Variants in XKR9 observed in about 807,000 individuals in gnomAD.
The protein encoded by XKR9 is XK related 9, also known as XK-related protein 9.
In XKR9, 32 loss-of-function variants were observed where a neutral mutation model predicts 32.0. The ratio of observed to expected loss-of-function variants is 1.00; its 90% CI spans 0.76 to 1.34. XKR9 has a LOEUF of 1.34. Among genes scored for constraint, XKR9 ranks in the 40% most tolerant of loss-of-function variants. The pLI, the probability that XKR9 is intolerant of heterozygous loss-of-function variation, is 0.00. For synonymous variants in XKR9, 168 were observed against 143.4 expected (o/e 1.17, Z -1.22); for missense variants, 546 against 429.7 (o/e 1.27, Z -2.39).
the XKR9 span, among the ~76,000 whole-genome samples, chr8:70,998,532 G>T: frequency 6.6e-6 from 1 of 152,186 alleles, no homozygotes; most frequent in South Asian, 2.1e-4. Context: ...AGTTCCTGTG[G>T]GTCGGAGTCA....
At chr8:70,926,757 G>C in the XKR9 span, among the ~76,000 whole-genome samples, 1 of 152,152 alleles carries the variant, frequency 6.6e-6, no homozygotes, top group Non-Finnish European at 1.5e-5. Context: ...TGAAAATAGA[G>C]AGAAACAGCA....
At chr8:70,829,479 C>T in the XKR9 span, among the ~76,000 whole-genome samples, 3 of 152,288 alleles carry the variant, frequency 2.0e-5, no homozygotes, top group South Asian at 4.1e-4. Context: ...GACGGAGTCT[C>T]GCCCTGTCTC....
At chr8:70,675,345 C>T (rs577447047) in intron 2 of XKR9, among the ~76,000 whole-genome samples, 5 of 152,220 alleles carry the variant, frequency 3.3e-5, no homozygotes, top group East Asian at 3.9e-4. Flanking sequence ...AAGAATCACT[C>T]GAACCCACTG....
the XKR9 span, among the ~76,000 whole-genome samples, chr8:70,977,973 C>T: frequency 6.6e-6 from 1 of 152,128 alleles, no homozygotes; most frequent in Non-Finnish European, 1.5e-5. Context: ...TGAATTGATC[C>T]CTTTACCATT....
the XKR9 span, among the ~76,000 whole-genome samples, chr8:70,924,163 T>A: frequency 6.6e-6 from 1 of 152,230 alleles, no homozygotes; most frequent in South Asian, 2.1e-4. Context: ...GGCTCCCGTA[T>A]GCCACTTATT....
intron 2 of XKR9, among the ~76,000 whole-genome samples, chr8:70,755,359 C>T (rs1245883517): frequency 5.9e-5 from 9 of 152,158 alleles, no homozygotes; most frequent in Non-Finnish European, 1.0e-4. Context: ...GGCGATTCCT[C>T]AGGGATCTAG....
the XKR9 span, among the ~76,000 whole-genome samples, chr8:70,936,376 C>A: frequency 1.3e-5 from 2 of 152,050 alleles, no homozygotes; most frequent in Non-Finnish European, 2.9e-5. Context: ...TTTCCTTACA[C>A]TGGAAGAGCC....
At chr8:70,899,665 G>A in the XKR9 span, among the ~76,000 whole-genome samples, 1 of 152,046 alleles carries the variant, frequency 6.6e-6, no homozygotes, top group Non-Finnish European at 1.5e-5. Flanking sequence ...GTTGCAGTAA[G>A]TGGCAGAGAG....
chr8:70,741,456 A>G (rs144922910), intron 2 of XKR9, among the ~76,000 whole-genome samples: 1 of 152,220 alleles, frequency 6.6e-6, no homozygotes, highest in African/African-American at 2.4e-5. Flanking sequence ...TATTCAGCGG[A>G]AAACAGACTG....
At chr8:71,051,388 G>C in the XKR9 span, among the ~76,000 whole-genome samples, 1 of 152,112 alleles carries the variant, frequency 6.6e-6, no homozygotes, top group African/African-American at 2.4e-5. Context: ...TCTACAGATG[G>C]TATTAGCATT....
chr8:70,785,172 A>C (rs1040841093), intron 2 of XKR9, among the ~76,000 whole-genome samples: 1 of 151,824 alleles, frequency 6.6e-6, no homozygotes, highest in African/African-American at 2.4e-5. Context: ...TTTATTACTG[A>C]TTGTATCTCC....
the XKR9 span, among the ~76,000 whole-genome samples, chr8:70,986,236 C>T: frequency 1.3e-5 from 2 of 152,200 alleles, no homozygotes; most frequent in Non-Finnish European, 2.9e-5. Flanking sequence ...CACGTAACCT[C>T]TCTGTCTTAG....
Position 70,716,708 on chromosome 8 carries a change from C to A in XKR9, c.493+9555C>A, listed in dbSNP as rs76247783. ...GACACAAAGCCAAACCATATCATTC[C>A]TCTCCCAGCCCCTCCCAAATCTCAT... On this transcript the variant is annotated intron_variant, in intron 4 of 4. Coordinates refer to ENST00000408926, the MANE Select transcript of XKR9 (RefSeq NM_001011720.2). Among the ~76,000 whole-genome samples the A allele has an allele frequency of 9.7e-3, 1,474 of 152,196 alleles. 23 individuals are homozygous for A. The highest frequency in any genetic ancestry group is 0.034 in the African/African-American group (1,404 of 41,532).
At chr8:70,946,458 C>T in the XKR9 span, among the ~76,000 whole-genome samples, 8 of 152,134 alleles carry the variant, frequency 5.3e-5, no homozygotes, top group Admixed American at 1.3e-4. Flanking sequence ...ACTTATCATC[C>T]AGGCGCTCTG....
At chr8:70,792,731 A>G (rs1807780171), downstream of XKR9, among the ~76,000 whole-genome samples, 1 of 152,128 alleles carries the variant, frequency 6.6e-6, no homozygotes, top group Non-Finnish European at 1.5e-5. Flanking sequence ...AATGGCCAAC[A>G]TTACCAAAAG....
intron 2 of XKR9, among the ~76,000 whole-genome samples, chr8:70,741,361 G>A (rs1378775830): frequency 6.6e-6 from 1 of 152,202 alleles, no homozygotes; most frequent in Non-Finnish European, 1.5e-5. Context: ...GCCCTCATCA[G>A]ATGCTAGTGC....
intron 3 of XKR9, among the ~76,000 whole-genome samples, chr8:70,705,660 C>T (rs1043050537): frequency 1.3e-5 from 2 of 151,866 alleles, no homozygotes; most frequent in African/African-American, 4.8e-5. Flanking sequence ...CCATGGAGGG[C>T]CTTGTAACAT....
the XKR9 span, among the ~76,000 whole-genome samples, chr8:70,914,550 C>T: frequency 2.6e-5 from 4 of 152,062 alleles, no homozygotes; most frequent in East Asian, 1.9e-4. Flanking sequence ...AAATCTTTTG[C>T]CCATTTTTTC....
chr8:71,050,692 A>T, the XKR9 span, among the ~76,000 whole-genome samples: 2 of 152,178 alleles, frequency 1.3e-5, no homozygotes, highest in Admixed American at 6.5e-5. Flanking sequence ...CTGGGAAAAG[A>T]GTGGTGCCAT....
Sources: gnomAD v4.1 joint callset for allele counts (sites outside exome capture counted in the v4.1 genomes callset) on GRCh38, gnomAD v4.1.1 for gene constraint, MANE v1.5 for transcripts, NCBI Gene and HGNC (gene_info 2026-07-23, HGNC 2026-07-21) for gene names.